Variants in RREB1 observed in about 807,000 individuals in gnomAD.
RREB1 encodes ras-responsive element-binding protein 1.
RREB1 carries 27 observed loss-of-function variants against 117.8 expected under a neutral mutation model. The observed-to-expected ratio is 0.23, with a 90% CI of 0.17 to 0.32. RREB1 has a LOEUF of 0.32. Among genes scored for constraint, RREB1 ranks in the 10% least tolerant of loss-of-function variants. RREB1 has a pLI of 1.00. For synonymous variants in RREB1, 1,298 were observed against 1,026.7 expected (o/e 1.26, Z -5.05); for missense variants, 2,577 against 2,378.2 (o/e 1.08, Z -1.74).
chr6:7,175,036 CCAAA>C (rs1343471567), intron 1 of RREB1, among the ~76,000 whole-genome samples: 1 of 151,918 alleles, frequency 6.6e-6, no homozygotes, highest in Non-Finnish European at 1.5e-5. Context: ...TAGAAAAAAA[CCAAA>C]GGGCTATTCC....
intron 6 of RREB1, among the ~76,000 whole-genome samples, chr6:7,192,116 A>ATTTTTTTTTTTTTTTTTTTTTTT (rs34074532): frequency 1.3e-4 from 2 of 15,296 alleles, no homozygotes; most frequent in Non-Finnish European, 2.2e-4. Flanking sequence ...TTGTCAGATG[A>ATTTTTTTTTTTTTTTTTTTTTTT]TTTTTTTTTT....
At chr6:7,232,271 C>T (rs532519569) in intron 10 of RREB1, among the ~76,000 whole-genome samples, 3 of 152,196 alleles carry the variant, frequency 2.0e-5, no homozygotes, top group South Asian at 2.1e-4. Flanking sequence ...GCTCCACAGA[C>T]GTGAGACTTT....
chr6:7,109,298 C>A (rs971277615), intron 1 of RREB1, among the ~76,000 whole-genome samples: 1 of 152,090 alleles, frequency 6.6e-6, no homozygotes. Flanking sequence ...CCGGGCCCCC[C>A]GCGCCCCCTC....
At chr6:7,170,981 T>C (rs1258008409) in intron 1 of RREB1, among the ~76,000 whole-genome samples, 2 of 152,056 alleles carry the variant, frequency 1.3e-5, no homozygotes, top group Admixed American at 1.3e-4. Context: ...GGACTGAGAA[T>C]TTGCATTTCT....
chr6:7,196,281 G>A (rs1765673835), intron 6 of RREB1, among the ~76,000 whole-genome samples: 1 of 147,222 alleles, frequency 6.8e-6, no homozygotes, highest in Admixed American at 6.8e-5. Context: ...CAGACTCTGA[G>A]GACTACATCC....
chr6:7,127,613 A>G (rs1761992567), intron 1 of RREB1, among the ~76,000 whole-genome samples: 1 of 152,216 alleles, frequency 6.6e-6, no homozygotes, highest in African/African-American at 2.4e-5. Flanking sequence ...AACTGGGACA[A>G]TGTATTCCTC....
rs555017672 is a variant in RREB1 at position 7,209,706 on chromosome 6, C to A, written c.426-1098C>A. ...TGCCACTGCACTCCAGCCTGGGCGA[C>A]AGAGCAAGACTCCATCTCAACAACA... On this transcript the variant is annotated intron_variant, in intron 6 of 12. Coordinates refer to ENST00000379938, the MANE Select transcript of RREB1 (RefSeq NM_001003699.4). Among the ~76,000 whole-genome samples the A allele has an allele frequency of 1.2e-4, 18 of 151,886 alleles. No homozygotes were observed. In the East Asian group the frequency reaches 3.5e-3, roughly 29 times the overall value.
At chr6:7,166,680 T>C (rs1307371801) in intron 1 of RREB1, among the ~76,000 whole-genome samples, 1 of 152,232 alleles carries the variant, frequency 6.6e-6, no homozygotes, top group African/African-American at 2.4e-5. Flanking sequence ...GGGAGAAGCA[T>C]TTCAAACGCT....
chr6:7,219,538 G>A (rs548575246), intron 8 of RREB1, among the ~76,000 whole-genome samples: 34 of 152,302 alleles, frequency 2.2e-4, no homozygotes, highest in African/African-American at 7.9e-4. Context: ...TCAGGACAGC[G>A]TGGAGTTCAC....
chr6:7,155,456 C>A (rs1763320640), intron 1 of RREB1, among the ~76,000 whole-genome samples: 1 of 152,136 alleles, frequency 6.6e-6, no homozygotes. Context: ...GATTATAGGC[C>A]TGTGCCACCA....
intron 1 of RREB1, among the ~76,000 whole-genome samples, chr6:7,164,800 G>C (rs1763843828): frequency 6.6e-6 from 1 of 152,240 alleles, no homozygotes; most frequent in Admixed American, 6.5e-5. Flanking sequence ...ACCACGACCT[G>C]GCCTCGCTCC....
intron 1 of RREB1, among the ~76,000 whole-genome samples, chr6:7,174,565 A>G (rs1764407315): frequency 6.6e-6 from 1 of 152,198 alleles, no homozygotes; most frequent in Admixed American, 6.5e-5. Flanking sequence ...ATGCTAGAAA[A>G]TCTTAATTCT....
chr6:7,236,733 G>GT (rs200944003), intron 10 of RREB1, among the ~76,000 whole-genome samples: 5,135 of 136,048 alleles, frequency 0.038, 190 homozygotes, highest in African/African-American at 0.11. Flanking sequence ...TTTCAGTTCT[G>GT]TTTTTTTTTT....
intron 9 of RREB1, among the ~76,000 whole-genome samples, chr6:7,226,930 G>C (rs1767617958): frequency 6.6e-6 from 1 of 152,180 alleles, no homozygotes; most frequent in South Asian, 2.1e-4. Context: ...CCGTTCTTGG[G>C]TCTTTGAGGT....
At chr6:7,170,538 G>GGA in intron 1 of RREB1, among the ~76,000 whole-genome samples, 2 of 152,148 alleles carry the variant, frequency 1.3e-5, no homozygotes, top group East Asian at 3.9e-4. Context: ...GCTGTTTGCT[G>GGA]GAGAGAAGGC....
rs1340189247 is a variant in RREB1 at position 7,246,564 on chromosome 6, G to A, written c.4114G>A (p.Glu1372Lys). 2 of 1,549,506 alleles carry A rather than the reference G, an allele frequency of 1.3e-6. No homozygotes were observed. The highest frequency in any genetic ancestry group is 2.4e-5 in the East Asian group (1 of 41,202). The stretch of plus-strand genomic sequence containing the variant: ...TGCGCCTGTGGAGCAGGCCACGGCG[G>A]AAACGGCCTCGCCGGTGCACCGGGA... ...GDAPVEQATA[E>K]TASPVHREEH... Residue 1372 changes from glutamate to lysine, a missense_variant, in exon 12 of 13, where the codon GAA (glutamate) becomes AAA (lysine). Glu to Lys is a moderately conservative substitution (Grantham distance 56, BLOSUM62 1). Coordinates refer to ENST00000379938, the MANE Select transcript of RREB1 (RefSeq NM_001003699.4).
chr6:7,188,244 TGTGTGTGTGC>T (rs1291086984), intron 5 of RREB1, among the ~76,000 whole-genome samples: 7 of 151,106 alleles, frequency 4.6e-5, no homozygotes, highest in East Asian at 1.9e-4. Context: ...TGTGTGTGTG[TGTGTGTGTGC>T]GCGCGCGCAC....
intron 1 of RREB1, among the ~76,000 whole-genome samples, chr6:7,147,731 A>G (rs547712003): frequency 6.6e-6 from 1 of 152,326 alleles, no homozygotes; most frequent in East Asian, 1.9e-4. Context: ...TCTAAAGCAC[A>G]TTCATAATGC....
chr6:7,219,252 C>G (rs988560370), intron 8 of RREB1, among the ~76,000 whole-genome samples: 2 of 152,050 alleles, frequency 1.3e-5, no homozygotes, highest in African/African-American at 4.8e-5. Flanking sequence ...CCTGGCTGAC[C>G]GAGTGAGACG....
Sources: gnomAD v4.1 joint callset for allele counts (sites outside exome capture counted in the v4.1 genomes callset) on GRCh38, gnomAD v4.1.1 for gene constraint, MANE v1.5 for transcripts, NCBI Gene and HGNC (gene_info 2026-07-23, HGNC 2026-07-21) for gene names.